The following FAT3 variants were observed in gnomAD, a reference collection of about 807,000 sequenced individuals.
FAT3 encodes the protein FAT atypical cadherin 3, also known as protocadherin Fat 3.
In FAT3, 95 loss-of-function variants were observed where a neutral mutation model predicts 310.2. That is an observed-to-expected ratio of 0.31 (90% confidence interval 0.26 to 0.36). FAT3 has a LOEUF of 0.36. Among genes scored for constraint, FAT3 ranks in the 10% least tolerant of loss-of-function variants. The pLI is 1.00. For synonymous variants in FAT3, 2,314 were observed against 2,192.9 expected (o/e 1.06, Z -1.54); for missense variants, 5,408 against 5,715.6 (o/e 0.95, Z 1.74).
rs2134640459 is a variant in FAT3, at chr11:92,354,009, T to C, written c.1897T>C (p.Leu633=). 1 of 1,613,164 alleles carries C rather than the reference T, an allele frequency of 6.2e-7. No homozygotes were observed. Among genetic ancestry groups the C allele is most frequent in the East Asian group, 2.2e-5 (1 of 44,844 alleles). The change falls in exon 2 of 28, where the codon TTA becomes CTA. Residue 633 remains leucine (L), a synonymous_variant. Coordinates refer to ENST00000525166, the MANE Select transcript of FAT3 (RefSeq NM_001367949.2). ...FFYLNPDSGV[L]QLKKSLTNSG... The stretch of plus-strand genomic sequence containing the variant: ...TTATTTAAACCCAGATTCTGGTGTT[T>C]TACAGCTTAAAAAATCACTGACAAA...
intron 2 of FAT3, among the ~76,000 whole-genome samples, chr11:92,378,612 C>T (rs907470539): frequency 1.1e-4 from 17 of 152,078 alleles, no homozygotes; most frequent in Admixed American, 7.9e-4. Flanking sequence ...CTGAAGTCTC[C>T]GAATTTTTAT....
chr11:92,312,314 A>T (rs1947327202), intron 1 of FAT3, among the ~76,000 whole-genome samples: 1 of 152,208 alleles, frequency 6.6e-6, no homozygotes, highest in African/African-American at 2.4e-5. Flanking sequence ...CAGTAGTCTG[A>T]CAGGACAGTG....
intron 1 of FAT3, among the ~76,000 whole-genome samples, chr11:92,240,174 T>C (rs1289676105): frequency 6.6e-6 from 1 of 152,016 alleles, no homozygotes; most frequent in Non-Finnish European, 1.5e-5. Flanking sequence ...AAGGTGCATG[T>C]TCAAGGAGGT....
chr11:92,284,705 G>T (rs1030923876), intron 1 of FAT3, among the ~76,000 whole-genome samples: 3 of 152,040 alleles, frequency 2.0e-5, no homozygotes, highest in Non-Finnish European at 4.4e-5. Flanking sequence ...AGACTTTGTC[G>T]CTCTTGACCC....
chr11:92,853,458 G>A (rs528611630), intron 19 of FAT3, among the ~76,000 whole-genome samples: 62 of 152,286 alleles, frequency 4.1e-4, no homozygotes, highest in Non-Finnish European at 7.6e-4. Context: ...CCTTCTTGTC[G>A]CCCGCAATGT....
At chr11:92,757,249 A>T (rs1372636635) in intron 4 of FAT3, among the ~76,000 whole-genome samples, 1 of 152,098 alleles carries the variant, frequency 6.6e-6, no homozygotes, top group African/African-American at 2.4e-5. Flanking sequence ...TTATTAGGTG[A>T]TAGCTGTTAT....
Position 92,801,322 on chromosome 11 carries a change from G to T in FAT3, c.8309G>T (p.Arg2770Leu). The T allele has an allele frequency of 6.2e-7, 1 of 1,613,942 alleles. No homozygotes were observed. Among genetic ancestry groups the T allele is most frequent in the East Asian group, 2.2e-5 (1 of 44,860 alleles). Residue 2770 changes from arginine (R) to leucine (L), a missense_variant, in exon 10 of 28, where the codon CGC becomes CTC. Around this residue, in one of 5 missense-constraint regions of FAT3, gnomAD observed 4,588 missense variants for 4,809.8 expected, o/e 0.95. Transcript: ENST00000525166. Reference sequence around the variant, plus strand: ...ACAGGCACTATTAAGCTTGACAAACGCCTTGACCGTGAAACCAGCCCAGCT... The same window carrying T: ...ACAGGCACTATTAAGCTTGACAAACTCCTTGACCGTGAAACCAGCCCAGCT... ...QETGTIKLDKRLDRETSPAFH... is the reference protein window; with the variant it reads ...QETGTIKLDKLLDRETSPAFH...
chr11:92,878,476 C>T (rs1161964625), intron 22 of FAT3, among the ~76,000 whole-genome samples: 1 of 151,512 alleles, frequency 6.6e-6, no homozygotes, highest in Non-Finnish European at 1.5e-5. Flanking sequence ...CCCAAGTTGA[C>T]ACATAAGGTT....
At chr11:92,598,212 A>G (rs1296819177) in intron 3 of FAT3, among the ~76,000 whole-genome samples, 1 of 101,108 alleles carries the variant, frequency 9.9e-6, no homozygotes, top group Admixed American at 9.6e-5. Flanking sequence ...ATATATATGT[A>G]TACATATATA....
At chr11:92,326,552 A>G (rs1206300293) in intron 1 of FAT3, among the ~76,000 whole-genome samples, 3 of 152,198 alleles carry the variant, frequency 2.0e-5, no homozygotes, top group Non-Finnish European at 4.4e-5. Context: ...TTAGGACAAC[A>G]TCTCTTCCTT....
rs547052364 is a variant in FAT3 at position 92,282,591 on chromosome 11, G to C, written c.-18+57417G>C. ...GAGGCAGGAGAATCACTTGAACCTGGAGGCAGAAGTTGCAGTGAGCCAAGA... is the reference window on the plus strand; with the variant it reads ...GAGGCAGGAGAATCACTTGAACCTGCAGGCAGAAGTTGCAGTGAGCCAAGA... On this transcript the variant is annotated intron_variant, in intron 1 of 27. Coordinates refer to ENST00000525166, the MANE Select transcript of FAT3 (RefSeq NM_001367949.2). Among the ~76,000 whole-genome samples the C allele has an allele frequency of 2.0e-5, 3 of 151,730 alleles. No homozygotes were observed. The East Asian group carries it at 5.8e-4, about 30-fold the overall frequency.
intron 3 of FAT3, among the ~76,000 whole-genome samples, chr11:92,554,908 A>T (rs1954964091): frequency 6.6e-6 from 1 of 152,174 alleles, no homozygotes; most frequent in South Asian, 2.1e-4. Context: ...TGAAGCTCAT[A>T]ATCTGCGAGA....
intron 3 of FAT3, among the ~76,000 whole-genome samples, chr11:92,569,201 C>CGT (rs1565420445): frequency 6.6e-6 from 1 of 152,150 alleles, no homozygotes; most frequent in Non-Finnish European, 1.5e-5. Flanking sequence ...ATACTAGCTC[C>CGT]GTGATCTTAT....
intron 2 of FAT3, among the ~76,000 whole-genome samples, chr11:92,489,089 G>A (rs953919335): frequency 6.6e-6 from 1 of 152,002 alleles, no homozygotes; most frequent in Non-Finnish European, 1.5e-5. Flanking sequence ...GTTGCATTTT[G>A]TGTTGATGTT....
At chr11:92,254,793 C>T (rs781168234) in intron 1 of FAT3, among the ~76,000 whole-genome samples, 24 of 152,068 alleles carry the variant, frequency 1.6e-4, no homozygotes, top group Non-Finnish European at 3.2e-4. Context: ...GCAACCTCCC[C>T]CTCCCAGGTT....
At chr11:92,716,121 G>A (rs1382891947) in intron 4 of FAT3, among the ~76,000 whole-genome samples, 1 of 152,162 alleles carries the variant, frequency 6.6e-6, no homozygotes, top group Admixed American at 6.5e-5. Context: ...GAGGCAGATC[G>A]AGGTGTGAGG....
chr11:92,405,844 T>A (rs1302865478), intron 2 of FAT3, among the ~76,000 whole-genome samples: 2 of 152,194 alleles, frequency 1.3e-5, no homozygotes, highest in African/African-American at 4.8e-5. Context: ...AGTTAGGGAA[T>A]GAGAATGGCT....
chr11:92,810,842 C>A (rs1212575843), intron 13 of FAT3, among the ~76,000 whole-genome samples: 1 of 151,976 alleles, frequency 6.6e-6, no homozygotes, highest in African/African-American at 2.4e-5. Context: ...GACAGCTTCT[C>A]GGTTGTGCAT....
intron 3 of FAT3, among the ~76,000 whole-genome samples, chr11:92,589,806 C>G (rs987905637): frequency 1.3e-5 from 2 of 152,014 alleles, no homozygotes; most frequent in Non-Finnish European, 2.9e-5. Context: ...AGGCTGCTGT[C>G]TACTTCTATA....
Sources: allele counts gnomAD v4.1 joint callset (sites outside exome capture counted in the v4.1 genomes callset), GRCh38; gene constraint gnomAD v4.1.1; regional missense constraint gnomAD v4.1.1; transcripts MANE v1.5; gene names NCBI Gene and HGNC (gene_info 2026-07-23, HGNC 2026-07-21).